TLK1: variants seen among roughly 807,000 people sequenced by gnomAD.
TLK1 encodes serine/threonine-protein kinase tousled-like 1.
A neutral mutation model predicts 105.3 loss-of-function variants in TLK1; 24 were observed. The ratio of observed to expected loss-of-function variants is 0.23; its 90% CI spans 0.17 to 0.32. The LOEUF (loss-of-function observed/expected upper bound fraction) is 0.32, where lower values mean the gene tolerates loss of function less well. Among genes scored for constraint, TLK1 ranks in the 10% least tolerant of loss-of-function variants. The pLI, the probability that TLK1 is intolerant of heterozygous loss-of-function variation, is 1.00. For missense variants in TLK1, 558 were observed against 910.5 expected (o/e 0.61, Z 4.98); for synonymous variants, 321 against 310.4 (o/e 1.03, Z -0.36).
intron 11 of TLK1, 29 bp from the exon 12 acceptor site, chr2:171,028,434 TATTGAG>T: frequency 7.1e-7 from 1 of 1,414,388 alleles, no homozygotes; most frequent in Non-Finnish European, 1.0e-6. Flanking sequence ...TAATTCTACA[TATTGAG>T]ATTAATACTT....
chr2:171,055,220 A>AAC (rs1157203635), intron 6 of TLK1, 48 bp from the exon 7 acceptor site: 2 of 1,135,200 alleles, frequency 1.8e-6, no homozygotes, highest in Non-Finnish European at 2.4e-6. Flanking sequence ...AAAAAAAAAA[A>AAC]ACACAAAACA....
intron 12 of TLK1, among the ~76,000 whole-genome samples, chr2:171,024,272 T>C (rs1286830227): frequency 6.6e-6 from 1 of 152,142 alleles, no homozygotes; most frequent in Non-Finnish European, 1.5e-5. Flanking sequence ...TTTAAAAATG[T>C]GCTTTTTAAA....
intron 1 of TLK1, among the ~76,000 whole-genome samples, chr2:171,189,971 G>A (rs12470359): frequency 0.045 from 6,848 of 152,218 alleles, 438 homozygotes; most frequent in East Asian, 0.29. Context: ...GAAGGCATGT[G>A]CCAGCTAAAA....
Position 171,160,480 on chromosome 2 carries a change from A to ACGGCAC in TLK1, c.-58_-53dup, listed in dbSNP as rs1264920037. 3.8e-6 allele frequency: 6 copies of ACGGCAC among 1,570,574 alleles called. No individual in the cohort carries two copies. Among genetic ancestry groups the ACGGCAC allele is most frequent in the African/African-American group, 1.4e-5 (1 of 71,186 alleles). On this transcript the variant is annotated 5_prime_UTR_variant, in exon 1 of 21. Transcript: ENST00000431350. The surrounding 1 kb of genome is among the most constrained non-coding windows in gnomAD (Gnocchi z 4.4). ...CCCCCCTGCGACGGCAGCGGCGGCA[A>ACGGCAC]CGGCACCGGCACCCGCCTCCGTCAT...
intron 1 of TLK1, among the ~76,000 whole-genome samples, chr2:171,224,814 C>T (rs554153954): frequency 1.3e-5 from 2 of 152,226 alleles, no homozygotes; most frequent in South Asian, 4.2e-4. Context: ...CACTATAAAG[C>T]TATAGCAATC....
At chr2:171,165,101 G>C (rs1409006268), upstream of TLK1, among the ~76,000 whole-genome samples, 2 of 152,238 alleles carry the variant, frequency 1.3e-5, no homozygotes, top group Non-Finnish European at 2.9e-5. Context: ...AGCAAGAAGA[G>C]ATCATTGGAA....
chr2:171,169,671 C>T (rs889481376), intron 1 of TLK1, among the ~76,000 whole-genome samples: 19 of 151,874 alleles, frequency 1.3e-4, no homozygotes, highest in Admixed American at 5.3e-4. Flanking sequence ...ATTTTCCAAA[C>T]GTTTTATAGG....
chr2:171,147,852 T>C (rs182908888), intron 1 of TLK1, among the ~76,000 whole-genome samples: 26 of 152,312 alleles, frequency 1.7e-4, no homozygotes, highest in Admixed American at 4.6e-4. Flanking sequence ...AGCACTAGAT[T>C]TGGATTAGCA....
chr2:171,083,868 T>C (rs1420372475), intron 2 of TLK1, among the ~76,000 whole-genome samples: 1 of 152,200 alleles, frequency 6.6e-6, no homozygotes, highest in Non-Finnish European at 1.5e-5. Context: ...TGGAATAAGT[T>C]ATAATCTAAT....
intron 3 of TLK1, among the ~76,000 whole-genome samples, chr2:171,074,532 G>A (rs1178663253): frequency 6.6e-6 from 1 of 151,624 alleles, no homozygotes; most frequent in Non-Finnish European, 1.5e-5. Context: ...GGAGGCTGAG[G>A]CCAGAGAATT....
chr2:171,176,284 A>T (rs1035810761), intron 1 of TLK1, among the ~76,000 whole-genome samples: 3 of 152,146 alleles, frequency 2.0e-5, no homozygotes, highest in African/African-American at 4.8e-5. Flanking sequence ...TCTAATTGGG[A>T]CCAGTGTTGA....
In TLK1 at chr2:171,112,598, A is replaced by G. The variant is rs1266479034; in HGVS notation, c.258+5141T>C. Among the ~76,000 whole-genome samples, 7 of 152,330 alleles carry G rather than the reference A, an allele frequency of 4.6e-5. No individual in the cohort carries two copies. The East Asian group carries it at 1.2e-3, about 25-fold the overall frequency. On this transcript the variant is annotated intron_variant, in intron 2 of 20. Coordinates refer to ENST00000431350, the MANE Select transcript of TLK1 (RefSeq NM_012290.5). ...CACAGCATTCAAGGTCATGACCAAG[A>G]TAAGGAAAAAATATGTATTTAAGGT...
chr2:171,173,535 G>T (rs1177762534), intron 1 of TLK1, among the ~76,000 whole-genome samples: 1 of 151,992 alleles, frequency 6.6e-6, no homozygotes, highest in East Asian at 1.9e-4. Context: ...CTACAAGTGT[G>T]CACCAGCATG....
chr2:171,141,456 C>A (rs1216695123), intron 1 of TLK1, among the ~76,000 whole-genome samples: 1 of 152,110 alleles, frequency 6.6e-6, no homozygotes, highest in Non-Finnish European at 1.5e-5. Context: ...ATAAGAAGTC[C>A]TATAAACACC....
chr2:171,089,855 A>T (rs948385480), intron 2 of TLK1, among the ~76,000 whole-genome samples: 4 of 152,092 alleles, frequency 2.6e-5, no homozygotes, highest in Non-Finnish European at 4.4e-5. Flanking sequence ...TATCAATAAT[A>T]CCACAAAATA....
intron 2 of TLK1, among the ~76,000 whole-genome samples, chr2:171,111,978 G>C (rs1483791921): frequency 6.6e-6 from 1 of 152,176 alleles, no homozygotes; most frequent in Non-Finnish European, 1.5e-5. Flanking sequence ...TTTTGAGACA[G>C]TCTTGCTCTG....
At chr2:171,219,329 C>T (rs1226394664) in intron 1 of TLK1, among the ~76,000 whole-genome samples, 2 of 152,192 alleles carry the variant, frequency 1.3e-5, no homozygotes, top group Non-Finnish European at 2.9e-5. Context: ...ATCTCTGCCT[C>T]TGTGGTCACA....
At chr2:171,211,374 T>C (rs1483143176) in intron 1 of TLK1, among the ~76,000 whole-genome samples, 1 of 152,232 alleles carries the variant, frequency 6.6e-6, no homozygotes, top group East Asian at 1.9e-4. Context: ...CTCTTTCTTT[T>C]CTTGTGTAGT....
intron 3 of TLK1, among the ~76,000 whole-genome samples, chr2:171,069,285 T>A (rs1336182517): frequency 6.6e-6 from 1 of 152,238 alleles, no homozygotes; most frequent in Admixed American, 6.5e-5. Context: ...TCTGACTCTG[T>A]TAACTTGTAT....
Sources: gnomAD v4.1 joint callset for allele counts (sites outside exome capture counted in the v4.1 genomes callset) on GRCh38, gnomAD v4.1.1 for gene constraint, Gnocchi (gnomAD v3.1) non-coding constraint, MANE v1.5 for transcripts, NCBI Gene and HGNC (gene_info 2026-07-23, HGNC 2026-07-21) for gene names.